TMEM247: variants seen among roughly 807,000 people sequenced by gnomAD.
TMEM247 encodes transmembrane protein 247.
In TMEM247, 23 loss-of-function variants were observed where a neutral mutation model predicts 20.7. That is an observed-to-expected ratio of 1.11 (90% confidence interval 0.80 to 1.57). The LOEUF is 1.57. Among genes scored for constraint, TMEM247 ranks in the 40% most tolerant of loss-of-function variants. The pLI is 0.00. For synonymous variants in TMEM247, 106 were observed against 111.9 expected, an observed-to-expected ratio of 0.95 and a Z score of 0.33; for missense variants, 354 against 283.8, an observed-to-expected ratio of 1.25 and a Z score of -1.78.
exon 3 of TMEM247, chr2:46,484,389 C>T: frequency 1.3e-6 from 2 of 1,552,122 alleles, no homozygotes; most frequent in Admixed American, 2.0e-5. Context: ...TGCATTGCAG[C>T]CATTTTGCTC....
Position 46,484,421 on chromosome 2 carries a change from T to C in TMEM247, c.655T>C (p.Ser219Pro). The C allele has an allele frequency of 2.6e-6, 4 of 1,550,780 alleles. No individual in the cohort carries two copies. In the South Asian group the frequency reaches 3.6e-5, roughly 14 times the overall value. ...GCTCTGTTTGATTAAAACTTTCTGG[T>C]CATACTTCCAAGTGCCTTTGCTCTC... The change falls in exon 3 of 3, where the codon TCA becomes CCA. Residue 219 changes from serine to proline, a missense_variant. Transcript: ENST00000434431.
At chr2:46,483,033 C>T (rs538171118) in intron 2 of TMEM247, among the ~76,000 whole-genome samples, 1 of 152,106 alleles carries the variant, frequency 6.6e-6, no homozygotes, top group African/African-American at 2.4e-5. Context: ...GATGGACGGA[C>T]AGAGAGAGTG....
At chr2:46,483,433 A>C (rs753905889) in intron 2 of TMEM247, among the ~76,000 whole-genome samples, 6 of 152,174 alleles carry the variant, frequency 3.9e-5, no homozygotes, top group African/African-American at 7.2e-5. Flanking sequence ...CCATGGGCTG[A>C]CCCACGTGAT....
rs141185381 is a variant in TMEM247 at position 46,480,329 on chromosome 2, G to A, written c.118-76G>A. 4.0e-3 allele frequency: 5,709 copies of A among 1,424,280 alleles called. 24 individuals are homozygous for A. Among genetic ancestry groups the A allele is most frequent in the Non-Finnish European group, 4.9e-3 (5,355 of 1,084,852 alleles). The allele number at this position is 1,424,280 out of a possible 1,614,324, so 88.2% of individuals were successfully genotyped here. ...CCAGTCCACTGCGGCCTGGGGCTGC[G>A]GGAGTTCCATGGGGTCAGGGGCAGC... is the stretch of plus-strand genomic sequence containing the variant. On this transcript the variant is annotated intron_variant, in intron 1 of 2. Coordinates refer to ENST00000434431, the Ensembl canonical transcript of TMEM247.
intron 1 of TMEM247, among the ~76,000 whole-genome samples, chr2:46,479,989 C>A (rs145909580): frequency 4.3e-4 from 66 of 152,172 alleles, no homozygotes; most frequent in Non-Finnish European, 8.7e-4. Flanking sequence ...TCTTCCTGGT[C>A]CCCAAATATT....
exon 2 of TMEM247, chr2:46,480,488 G>T: frequency 1.3e-6 from 2 of 1,551,694 alleles, no homozygotes; most frequent in Admixed American, 3.9e-5. Flanking sequence ...GCCAAGGGCC[G>T]CTTAAATCGC....
intron 2 of TMEM247, 46 bp downstream of exon 2, chr2:46,480,810 T>C (rs1183194927): frequency 6.6e-7 from 1 of 1,507,902 alleles, no homozygotes; most frequent in African/African-American, 1.4e-5. Context: ...GGCCTGGAGC[T>C]GAAGTCCCAT....
At chr2:46,481,707 T>C (rs1291823445) in intron 2 of TMEM247, among the ~76,000 whole-genome samples, 3 of 152,238 alleles carry the variant, frequency 2.0e-5, no homozygotes, top group African/African-American at 7.2e-5. Flanking sequence ...CTCATGCAAT[T>C]CACTTCTTGA....
intron 2 of TMEM247, among the ~76,000 whole-genome samples, chr2:46,483,633 T>C (rs947666187): frequency 6.6e-5 from 10 of 152,128 alleles, no homozygotes; most frequent in Admixed American, 2.6e-4. Context: ...CAATGGGCCG[T>C]ACAGACCATA....
intron 2 of TMEM247, among the ~76,000 whole-genome samples, chr2:46,483,046 T>C (rs1187511647): frequency 6.6e-6 from 1 of 152,196 alleles, no homozygotes; most frequent in African/African-American, 2.4e-5. Context: ...AGAGAGTGTA[T>C]TGAATTGAAA....
exon 3 of TMEM247, chr2:46,484,329 A>C: frequency 6.4e-7 from 1 of 1,552,270 alleles, no homozygotes; most frequent in East Asian, 2.4e-5. Flanking sequence ...CACATCATCT[A>C]TGTCACCAAG....
chr2:46,483,463 G>A (rs952210096), intron 2 of TMEM247, among the ~76,000 whole-genome samples: 3 of 152,242 alleles, frequency 2.0e-5, no homozygotes, highest in Non-Finnish European at 2.9e-5. Flanking sequence ...GACCCAGGGA[G>A]TGAGAAACAG....
intron 1 of TMEM247, among the ~76,000 whole-genome samples, chr2:46,480,202 C>T (rs1311337123): frequency 6.7e-6 from 1 of 149,308 alleles, no homozygotes; most frequent in Non-Finnish European, 1.5e-5. Context: ...GGCACTATTA[C>T]TTTGTGCTAG....
At chr2:46,482,371 A>T (rs1686904829) in intron 2 of TMEM247, among the ~76,000 whole-genome samples, 1 of 152,240 alleles carries the variant, frequency 6.6e-6, no homozygotes, top group Non-Finnish European at 1.5e-5. Context: ...AGCCTGGGAT[A>T]AAATCTGTCA....
intron 2 of TMEM247, among the ~76,000 whole-genome samples, chr2:46,483,646 G>A (rs1686932791): frequency 1.3e-5 from 2 of 152,244 alleles, no homozygotes; most frequent in African/African-American, 4.8e-5. Context: ...AGACCATAAA[G>A]AGAAAGGAAG....
chr2:46,484,155 A>C, intron 2 of TMEM247, 89 bp from the exon 3 acceptor site: 1 of 1,194,054 alleles, frequency 8.4e-7, no homozygotes, highest in Non-Finnish European at 1.2e-6. Flanking sequence ...TTGAGGTCAC[A>C]TACAGGCAGG....
At chr2:46,482,977 T>G (rs148871064) in intron 2 of TMEM247, among the ~76,000 whole-genome samples, 14 of 152,340 alleles carry the variant, frequency 9.2e-5, no homozygotes, top group Admixed American at 2.6e-4. Flanking sequence ...GGGAGTTGAC[T>G]TGATGTTGTA....
intron 2 of TMEM247, among the ~76,000 whole-genome samples, chr2:46,480,990 C>G (rs13002880): frequency 0.31 from 46,531 of 152,124 alleles, 8,747 homozygotes; most frequent in Non-Finnish European, 0.42. Context: ...GCTACCCTAC[C>G]TGGCCAGCTC....
At chr2:46,483,482 A>G (rs776481350) in intron 2 of TMEM247, among the ~76,000 whole-genome samples, 1 of 152,210 alleles carries the variant, frequency 6.6e-6, no homozygotes, top group Non-Finnish European at 1.5e-5. Flanking sequence ...AGTCATTTAT[A>G]TGCAAGGGAC....
Sources: allele counts gnomAD v4.1 joint callset (sites outside exome capture counted in the v4.1 genomes callset), GRCh38; gene constraint gnomAD v4.1.1; transcripts MANE v1.5; gene names NCBI Gene and HGNC (gene_info 2026-07-23, HGNC 2026-07-21).